LOC128462377: variants seen among roughly 807,000 people sequenced by gnomAD.
At chr16:89,387,020 C>A in the LOC128462377 span, among the ~76,000 whole-genome samples, 8 of 151,944 alleles carry the variant, frequency 5.3e-5, no homozygotes, top group African/African-American at 1.9e-4. Flanking sequence ...GGAGGCCGCC[C>A]GTGGTGACAG....
the LOC128462377 span, among the ~76,000 whole-genome samples, chr16:89,347,433 C>T: frequency 6.6e-6 from 1 of 152,012 alleles, no homozygotes; most frequent in Non-Finnish European, 1.5e-5. Flanking sequence ...CACGGTGAAA[C>T]CCCGTCTCTA....
the LOC128462377 span, among the ~76,000 whole-genome samples, chr16:89,385,318 G>A: frequency 1.3e-5 from 2 of 151,674 alleles, no homozygotes; most frequent in East Asian, 1.9e-4. Flanking sequence ...TAGTAGAGAC[G>A]CTGTTTTGCC....
chr16:89,401,911 G>T, the LOC128462377 span, among the ~76,000 whole-genome samples: 2 of 149,522 alleles, frequency 1.3e-5, no homozygotes, highest in Admixed American at 1.3e-4. Flanking sequence ...CCATCCCCCA[G>T]AACCTGGAGA....
At chr16:89,324,368 G>T in the LOC128462377 span, 5 of 868,802 alleles carry the variant, frequency 5.8e-6, no homozygotes, top group South Asian at 2.7e-5. Context: ...AAGCCAGGAG[G>T]GCGGCACGTG....
At chr16:89,411,918 G>C in the LOC128462377 span, among the ~76,000 whole-genome samples, 1 of 150,814 alleles carries the variant, frequency 6.6e-6, no homozygotes, top group Admixed American at 6.6e-5. Context: ...GCCAGGTACT[G>C]GGGTGAGATG....
chr16:89,333,992 T>C, the LOC128462377 span, among the ~76,000 whole-genome samples: 1 of 151,940 alleles, frequency 6.6e-6, no homozygotes. Flanking sequence ...TGTGGTCAGA[T>C]ATATCTAAGT....
chr16:89,376,269 C>CT, the LOC128462377 span, among the ~76,000 whole-genome samples: 1 of 152,104 alleles, frequency 6.6e-6, no homozygotes, highest in African/African-American at 2.4e-5. Context: ...GGGGAAGCAG[C>CT]TGGAGAAGTG....
the LOC128462377 span, among the ~76,000 whole-genome samples, chr16:89,363,256 C>T: frequency 6.6e-6 from 1 of 152,084 alleles, no homozygotes; most frequent in South Asian, 2.1e-4. Flanking sequence ...TATACTCTGC[C>T]TTCTGAAGCA....
chr16:89,387,739 G>A, the LOC128462377 span, among the ~76,000 whole-genome samples: 1 of 147,930 alleles, frequency 6.8e-6, no homozygotes. Context: ...ACGGTAGCTT[G>A]CGCCTGTAAT....
the LOC128462377 span, among the ~76,000 whole-genome samples, chr16:89,341,271 C>A: frequency 6.6e-6 from 1 of 152,164 alleles, no homozygotes; most frequent in Non-Finnish European, 1.5e-5. Context: ...GCTGTGGGTC[C>A]ATTTCTCTCT....
chr16:89,345,871 T>C, the LOC128462377 span, among the ~76,000 whole-genome samples: 5 of 152,070 alleles, frequency 3.3e-5, no homozygotes, highest in Admixed American at 6.5e-5. Flanking sequence ...CACTATAATA[T>C]GGCAAAAAGT....
the LOC128462377 span, among the ~76,000 whole-genome samples, chr16:89,317,841 C>T: frequency 6.6e-6 from 1 of 152,168 alleles, no homozygotes; most frequent in African/African-American, 2.4e-5. Context: ...GCCCCTCTCT[C>T]AGGGCTGGCA....
the LOC128462377 span, among the ~76,000 whole-genome samples, chr16:89,394,381 C>T: frequency 6.6e-6 from 1 of 152,240 alleles, no homozygotes; most frequent in African/African-American, 2.4e-5. Context: ...GTAATCCCAG[C>T]ACTTTGGGAG....
the LOC128462377 span, among the ~76,000 whole-genome samples, chr16:89,386,478 G>A: frequency 1.3e-5 from 2 of 152,196 alleles, no homozygotes; most frequent in South Asian, 2.1e-4. Flanking sequence ...AGGGACAGTG[G>A]AGGATAGAAC....
At chr16:89,352,305 G>T in the LOC128462377 span, among the ~76,000 whole-genome samples, 2 of 151,822 alleles carry the variant, frequency 1.3e-5, no homozygotes, top group Non-Finnish European at 2.9e-5. Context: ...ATCACGCCAC[G>T]CGGTGCAGAG....
chr16:89,398,343 C>T, the LOC128462377 span, among the ~76,000 whole-genome samples: 4 of 89,644 alleles, frequency 4.5e-5, no homozygotes, highest in African/African-American at 1.2e-4. Flanking sequence ...CTACCTGTGA[C>T]CTCAGCACTC....
At chr16:89,418,209 C>T in the LOC128462377 span, 4 of 443,716 alleles carry the variant, frequency 9.0e-6, no homozygotes, top group South Asian at 1.6e-5. Flanking sequence ...TGGACACTCA[C>T]GCATTATTTT....
chr16:89,318,744 G>A, the LOC128462377 span, among the ~76,000 whole-genome samples: 2 of 152,162 alleles, frequency 1.3e-5, no homozygotes, highest in Non-Finnish European at 2.9e-5. Context: ...CCCACCAACT[G>A]CTGTCTTGGT....
chr16:89,389,226 C>T, the LOC128462377 span, among the ~76,000 whole-genome samples: 101 of 151,860 alleles, frequency 6.7e-4, 1 homozygote, highest in Middle Eastern at 0.01. Context: ...GGTCTCCTTA[C>T]GTTGCCCAGT....
Sources: gnomAD v4.1 joint callset for allele counts (sites outside exome capture counted in the v4.1 genomes callset) on GRCh38, gnomAD v4.1.1 for gene constraint, MANE v1.5 for transcripts.